Variants in TENM3 observed in about 807,000 individuals in gnomAD.
The protein encoded by TENM3 is teneurin-3.
A neutral mutation model predicts 255.1 loss-of-function variants in TENM3; 63 were observed. The ratio of observed to expected loss-of-function variants is 0.25; its 90% CI spans 0.20 to 0.30. The LOEUF (loss-of-function observed/expected upper bound fraction) is 0.30. Ranked by LOEUF, TENM3 falls within the 10% of genes least tolerant of loss-of-function variation. TENM3 has a pLI of 1.00. For synonymous variants in TENM3, 1,306 were observed against 1,322.3 expected, an observed-to-expected ratio of 0.99 and a Z score of 0.27; for missense variants, 2,929 against 3,461.1, an observed-to-expected ratio of 0.85 and a Z score of 3.86.
chr4:182,101,901 T>C, the TENM3 span, among the ~76,000 whole-genome samples: 5 of 152,308 alleles, frequency 3.3e-5, no homozygotes, highest in African/African-American at 1.2e-4. Flanking sequence ...TATACAATTA[T>C]TATTTGTCGA....
chr4:181,669,930 T>G, the TENM3 span, among the ~76,000 whole-genome samples: 1 of 152,206 alleles, frequency 6.6e-6, no homozygotes, highest in South Asian at 2.1e-4. Context: ...AGAAAGAATG[T>G]AAAAGATGGC....
the TENM3 span, among the ~76,000 whole-genome samples, chr4:181,673,731 G>A: frequency 3.9e-5 from 6 of 152,046 alleles, no homozygotes; most frequent in Non-Finnish European, 7.4e-5. Flanking sequence ...GTTTGTTAAC[G>A]TGGGTAGTTA....
At chr4:181,923,942 A>G in the TENM3 span, among the ~76,000 whole-genome samples, 1 of 152,272 alleles carries the variant, frequency 6.6e-6, no homozygotes, top group Admixed American at 6.5e-5. Flanking sequence ...CTGTACATTC[A>G]TTATATGAGT....
At chr4:182,279,574 A>C (rs1760237583) in intron 1 of TENM3, among the ~76,000 whole-genome samples, 1 of 152,188 alleles carries the variant, frequency 6.6e-6, no homozygotes, top group East Asian at 1.9e-4. Context: ...GGGTGTACAT[A>C]ATTATTAAAT....
intron 1 of TENM3, among the ~76,000 whole-genome samples, chr4:182,159,802 G>T (rs1750986181): frequency 6.6e-6 from 1 of 152,148 alleles, no homozygotes; most frequent in Non-Finnish European, 1.5e-5. Flanking sequence ...CGTAGTGGAC[G>T]CTCATACTGA....
the TENM3 span, among the ~76,000 whole-genome samples, chr4:181,592,510 CAGAA>C: frequency 3.9e-5 from 6 of 151,948 alleles, no homozygotes; most frequent in African/African-American, 1.2e-4. Context: ...TGTTTGTTTT[CAGAA>C]AGAAACAAGC....
intron 3 of TENM3, among the ~76,000 whole-genome samples, chr4:182,433,280 A>G (rs1771798229): frequency 1.3e-5 from 2 of 152,138 alleles, no homozygotes; most frequent in African/African-American, 4.8e-5. Flanking sequence ...GGTTTCATTC[A>G]TGGACGCAGG....
At chr4:182,067,711 C>T in the TENM3 span, among the ~76,000 whole-genome samples, 1 of 152,248 alleles carries the variant, frequency 6.6e-6, no homozygotes, top group East Asian at 1.9e-4. Context: ...TTCTCCAAGG[C>T]CCTTCATATG....
the TENM3 span, among the ~76,000 whole-genome samples, chr4:181,888,623 G>C: frequency 1.9e-5 from 1 of 51,444 alleles, no homozygotes; most frequent in Non-Finnish European, 3.9e-5. Context: ...TGTGTGGAAA[G>C]AGAGAGAGAG....
intron 3 of TENM3, among the ~76,000 whole-genome samples, chr4:182,443,789 C>T (rs1423410133): frequency 6.6e-6 from 1 of 152,188 alleles, no homozygotes; most frequent in Non-Finnish European, 1.5e-5. Flanking sequence ...CCAGTAGGCT[C>T]CTGCCCAAGG....
intron 1 of TENM3, among the ~76,000 whole-genome samples, chr4:182,155,527 C>G (rs1750645776): frequency 6.6e-6 from 1 of 152,016 alleles, no homozygotes; most frequent in African/African-American, 2.4e-5. Context: ...TTTTTGTGAT[C>G]AATTCACTGT....
chr4:182,351,278 C>CA (rs1218041203), intron 3 of TENM3, among the ~76,000 whole-genome samples: 1 of 152,088 alleles, frequency 6.6e-6, no homozygotes, highest in Admixed American at 6.6e-5. Flanking sequence ...AGTGGGAAAA[C>CA]ATGTAATAAA....
intron 3 of TENM3, among the ~76,000 whole-genome samples, chr4:182,520,259 T>TA (rs1328702913): frequency 5.3e-5 from 8 of 152,196 alleles, no homozygotes; most frequent in Middle Eastern, 3.4e-3. Flanking sequence ...AAGACCAGTA[T>TA]AAAAAAATCA....
the TENM3 span, among the ~76,000 whole-genome samples, chr4:181,545,245 T>C: frequency 6.6e-6 from 1 of 151,834 alleles, no homozygotes; most frequent in South Asian, 2.1e-4. Flanking sequence ...ATTTTGCTAG[T>C]AAACAAATAT....
At chr4:182,441,851 T>G (rs1371549564) in intron 3 of TENM3, among the ~76,000 whole-genome samples, 2 of 152,224 alleles carry the variant, frequency 1.3e-5, no homozygotes, top group African/African-American at 4.8e-5. Context: ...TTGGTGTCTC[T>G]TTTGTGCAAG....
the TENM3 span, among the ~76,000 whole-genome samples, chr4:182,011,372 T>G: frequency 1.3e-5 from 2 of 152,198 alleles, no homozygotes; most frequent in Non-Finnish European, 2.9e-5. Context: ...CACTTGATTT[T>G]ACTTCCTATT....
At chr4:181,891,823 A>G in the TENM3 span, among the ~76,000 whole-genome samples, 1 of 152,068 alleles carries the variant, frequency 6.6e-6, no homozygotes, top group South Asian at 2.1e-4. Context: ...CTGAATGTGT[A>G]CCCTCCAAAA....
upstream of TENM3, chr4:182,142,380 A>G (rs1237778413): frequency 1.2e-5 from 2 of 165,202 alleles, no homozygotes; most frequent in East Asian, 3.9e-4. Flanking sequence ...CTTCGGGAAC[A>G]CGGGCTGTGG....
chr4:182,680,767 T>C, intron 10 of TENM3, 30 bp downstream of exon 10: 1 of 1,460,684 alleles, frequency 6.8e-7, no homozygotes, highest in South Asian at 1.4e-5. Flanking sequence ...CAGAAGTCTG[T>C]TGTTATCTTC....
Sources: gnomAD v4.1 joint callset for allele counts (sites outside exome capture counted in the v4.1 genomes callset) on GRCh38, gnomAD v4.1.1 for gene constraint, MANE v1.5 for transcripts, NCBI Gene and HGNC (gene_info 2026-07-23, HGNC 2026-07-21) for gene names.